Variants in CEP170B observed in about 807,000 individuals in gnomAD.
The protein encoded by CEP170B is centrosomal protein 170B, also known as centrosomal protein of 170 kDa protein B.
Under a neutral mutation model 120.6 loss-of-function variants are expected in CEP170B, and 55 were observed. That is an observed-to-expected ratio of 0.46 (90% CI 0.37 to 0.57). CEP170B has a LOEUF of 0.57. Ranked by LOEUF, CEP170B falls within the 20% of genes least tolerant of loss-of-function variation. CEP170B has a pLI of 0.00. For missense variants in CEP170B, 2,212 were observed against 2,253.3 expected (o/e 0.98, Z 0.37); for synonymous variants, 1,033 against 954.5 (o/e 1.08, Z -1.52).
intron 9 of CEP170B, among the ~76,000 whole-genome samples, chr14:104,885,026 C>A (rs1213402865): frequency 4.0e-5 from 3 of 75,362 alleles, no homozygotes; most frequent in African/African-American, 1.0e-4. Context: ...CCGGGGGTGG[C>A]GAGTGAGAGT....
In CEP170B at chr14:104,891,367, T is replaced by C. The variant is rs1896849215; in HGVS notation, c.3878+1609T>C. On this transcript the variant is annotated intron_variant, in intron 13 of 18. Transcript: ENST00000414716. This position sits in a 1 kb window ranked among gnomAD's most constrained non-coding sequence, Gnocchi z 4.3. ...TCCCAGGACCAGGGTGGATGGCAAGTGTTTGTTGTGGAGGATGCTGAGCTT... is the reference window on the plus strand; with the variant it reads ...TCCCAGGACCAGGGTGGATGGCAAGCGTTTGTTGTGGAGGATGCTGAGCTT... Among the ~76,000 whole-genome samples the C allele has an allele frequency of 6.6e-6, 1 of 151,098 alleles. No individual in the cohort carries two copies. The highest frequency in any genetic ancestry group is 2.4e-5 in the African/African-American group (1 of 41,012).
In CEP170B at chr14:104,887,748, T is replaced by C. The variant is rs759764080; in HGVS notation, c.3509T>C (p.Leu1170Pro). ...QAKKLSRLDI[L>P]AMPRKRAGSF... ...AAGAAGCTGTCACGCCTGGACATCC[T>C]GGCCATGCCCCGGAAGCGGGCCGGC... Residue 1170 changes from leucine to proline, a missense_variant, in exon 12 of 19, where the codon CTG (leucine) becomes CCG (proline). Leu to Pro is a moderately conservative substitution (Grantham distance 98). This residue lies in a region of CEP170B where 2,166 missense variants were observed against 2,166.7 expected (regional missense o/e 1.00). Transcript: ENST00000414716. 5 of 1,581,310 alleles carry C rather than the reference T, an allele frequency of 3.2e-6. No individual in the cohort carries two copies. Among genetic ancestry groups the C allele is most frequent in the East Asian group, 2.3e-5 (1 of 43,632 alleles).
chr14:104,893,503 G>A lies in CEP170B; in HGVS notation c.4039-20G>A, dbSNP rs368956802. 4 of 1,595,642 alleles carry A rather than the reference G, an allele frequency of 2.5e-6. No homozygotes were observed. The African/African-American group carries it at 4.0e-5, about 16-fold the overall frequency. On this transcript the variant is annotated intron_variant, in intron 14 of 18. Transcript: ENST00000414716. ...GGAGCCTCTGCCTGGGGCCCACGGT[G>A]CCGGCCCTCCCTCTTGCAGCTGGTG...
In CEP170B at chr14:104,883,925, G is replaced by C; in HGVS notation, c.1146G>C (p.Glu382Asp). 1 of 1,599,056 alleles carries C rather than the reference G, an allele frequency of 6.3e-7. No homozygotes were observed. The highest frequency in any genetic ancestry group is 8.5e-7 in the Non-Finnish European group (1 of 1,173,352). Residue 382 changes from glutamate to aspartate, a missense_variant, in exon 9 of 19, where the codon GAG (glutamate) becomes GAC (aspartate). Transcript: ENST00000414716. ...GGGTGCCCTTGGAGGCCAGCGGGGA[G>C]CAGGTGCGGCTGCAGAGGCAGATCA... is the stretch of plus-strand genomic sequence containing the variant. ...AAGVPLEASG[E>D]QVRLQRQIKR...
chr14:104,893,934 G>A, intron 16 of CEP170B, 85 bp downstream of exon 16: 1 of 1,298,184 alleles, frequency 7.7e-7, no homozygotes, highest in Admixed American at 1.9e-5. Context: ...AATCCCTCAA[G>A]GGCAGCGGTT....
intron 14 of CEP170B, 59 bp downstream of exon 14, chr14:104,893,194 C>T: frequency 6.5e-7 from 1 of 1,532,560 alleles, no homozygotes; most frequent in Non-Finnish European, 8.8e-7. Context: ...AGGGTCAGGC[C>T]AGGTCCCCAC....
At chr14:104,875,016 G>C (rs1312803029) in intron 2 of CEP170B, among the ~76,000 whole-genome samples, 2 of 152,226 alleles carry the variant, frequency 1.3e-5, no homozygotes, top group African/African-American at 4.8e-5. Flanking sequence ...TGCCCTGAGG[G>C]TTTCTAGCCC....
At chr14:104,879,578 G>T (rs1452025550) in intron 5 of CEP170B, among the ~76,000 whole-genome samples, 1 of 152,148 alleles carries the variant, frequency 6.6e-6, no homozygotes, top group South Asian at 2.1e-4. Flanking sequence ...CGCCCTGGCC[G>T]GGTGCCCTCT....
In CEP170B at chr14:104,885,536, G is replaced by A; in HGVS notation, c.1938G>A (p.Glu646=). The A allele has an allele frequency of 1.3e-6, 2 of 1,562,186 alleles. No homozygotes were observed. Among genetic ancestry groups the A allele is most frequent in the Non-Finnish European group, 1.7e-6 (2 of 1,158,552 alleles). The change falls in exon 10 of 19, where the codon GAG becomes GAA. Residue 646 remains glutamate, a synonymous_variant. Transcript: ENST00000414716. ...CACTGGGTGCGGCCCCCCAGGCGGAGCACCAGGTACAGGCACAGACGGCCA... is the reference window on the plus strand; with the variant it reads ...CACTGGGTGCGGCCCCCCAGGCGGAACACCAGGTACAGGCACAGACGGCCA... ...SRPLGAAPQA[E]HQGLPVPGSP...
At chr14:104,869,344 G>A (rs1290826977) in intron 2 of CEP170B, among the ~76,000 whole-genome samples, 3 of 152,202 alleles carry the variant, frequency 2.0e-5, no homozygotes, top group African/African-American at 7.2e-5. Flanking sequence ...CGAGGGGCCT[G>A]CAGGTGCAGG....
chr14:104,867,425 C>T lies in CEP170B; in HGVS notation c.-27-999C>T, dbSNP rs1229730628. Among the ~76,000 whole-genome samples the T allele has an allele frequency of 1.3e-5, 2 of 152,196 alleles. No individual in the cohort carries two copies. The highest frequency in any genetic ancestry group is 2.4e-5 in the African/African-American group (1 of 41,448). On this transcript the variant is annotated intron_variant, in intron 1 of 18. Transcript: ENST00000414716. This position sits in a 1 kb window ranked among gnomAD's most constrained non-coding sequence, Gnocchi z 5.4. ...AAGCCGTTTCTGTTCTCTGTGCCTG[C>T]CCCCTGCTGAAGGGAGCCCCAGGAT...
chr14:104,871,915 A>G (rs532477801), intron 2 of CEP170B, among the ~76,000 whole-genome samples: 2 of 152,196 alleles, frequency 1.3e-5, no homozygotes, highest in Non-Finnish European at 2.9e-5. Flanking sequence ...CAGAGCTGCC[A>G]CCCACGTGCT....
Position 104,884,156 on chromosome 14 carries a change from G to A in CEP170B, c.1377G>A (p.Ser459=), listed in dbSNP as rs745952726. 9.3e-5 allele frequency: 145 copies of A among 1,553,452 alleles called. No homozygotes were observed. The highest frequency in any genetic ancestry group is 1.2e-4 in the Non-Finnish European group (139 of 1,150,506). The change falls in exon 9 of 19, where the codon TCG becomes TCA. Residue 459 remains serine (S), a synonymous_variant. Coordinates refer to ENST00000414716, the MANE Select transcript of CEP170B (RefSeq NM_001112726.3). Reference sequence around the variant, plus strand: ...CAGTCCAGGCAGGGGGCCGCAGCTCGGGGCCACAGAGGGCCGGCTCGCTCA... The same window carrying A: ...CAGTCCAGGCAGGGGGCCGCAGCTCAGGGCCACAGAGGGCCGGCTCGCTCA... ...PAPVQAGGRS[S]GPQRAGSLKR...
Position 104,896,292 on chromosome 14 carries a change from A to AC in CEP170B, c.*1334_*1335insC, listed in dbSNP as rs1897070852. 3 of 125,328 alleles carry AC rather than the reference A, an allele frequency of 2.4e-5. 1 individual carries two copies. The highest frequency in any genetic ancestry group is 1.5e-4 in the Admixed American group (1 of 6,736). 7.8% of individuals were successfully genotyped at this position (125,328 alleles called of 1,614,324 possible). A position where few individuals can be genotyped will look rare whatever the true frequency, so the allele number is the denominator to read the frequency against. The stretch of plus-strand genomic sequence containing the variant: ...TGGGTGTACGGGTTCTGTTCCTCTG[A>AC]GCCTGCGGCCCACCTGATGTTTACG... On this transcript the variant is annotated 3_prime_UTR_variant, in exon 19 of 19. Coordinates refer to ENST00000414716, the MANE Select transcript of CEP170B (RefSeq NM_001112726.3).
Position 104,887,839 on chromosome 14 carries a change from G to A in CEP170B, c.3600G>A (p.Val1200=), listed in dbSNP as rs1016856532. ...GCACCAGCTTCTCTGGCCGCAGTGT[G>A]GAGTTGTGCTGTGCCAGCCGCAAGC... ...PARTSFSGRS[V]ELCCASRKPT... Residue 1200 remains valine (V), a synonymous_variant, in exon 12 of 19, where the codon GTG becomes GTA. Transcript: ENST00000414716. 2 of 1,583,634 alleles carry A rather than the reference G, an allele frequency of 1.3e-6. No homozygotes were observed. The highest frequency in any genetic ancestry group is 2.3e-5 in the East Asian group (1 of 43,544).
chr14:104,869,840 G>A (rs941661699), intron 2 of CEP170B, among the ~76,000 whole-genome samples: 13 of 152,094 alleles, frequency 8.5e-5, no homozygotes, highest in Non-Finnish European at 1.5e-4. Context: ...CTCCAGAACC[G>A]TGAGCAATAC....
In CEP170B at chr14:104,889,638, C is replaced by T. The variant is rs767458899; in HGVS notation, c.3758C>T (p.Ala1253Val). The T allele has an allele frequency of 1.2e-6, 2 of 1,611,710 alleles. No homozygotes were observed. The highest frequency in any genetic ancestry group is 2.7e-5 in the African/African-American group (2 of 74,918). The stretch of plus-strand genomic sequence containing the variant: ...TCAACAGCCACTCAGACCCCGAGGG[C>T]TGGCAGCTCCAGCCGGGCTCGTTCC... Reference protein sequence around the residue: ...RYTSTTQTPRAGSSSRARSRA... With the variant: ...RYTSTTQTPRVGSSSRARSRA... The change falls in exon 13 of 19, where the codon GCT becomes GTT. Residue 1253 changes from alanine to valine, a missense_variant. Around this residue, in one of 2 missense-constraint regions of CEP170B, gnomAD observed 2,166 missense variants for 2,166.7 expected, o/e 1.00. Coordinates refer to ENST00000414716, the MANE Select transcript of CEP170B (RefSeq NM_001112726.3).
chr14:104,877,260 C>T (rs996298655), intron 3 of CEP170B, among the ~76,000 whole-genome samples: 5 of 152,174 alleles, frequency 3.3e-5, no homozygotes, highest in Admixed American at 6.5e-5. Flanking sequence ...GTGTGGACTG[C>T]GTCACCCACA....
At position 104,895,247 on chromosome 14, in the gene CEP170B, C is replaced by T; in HGVS notation, c.*289C>T. Reference sequence around the variant, plus strand: ...CAAGGTCAAGCCCTCAAGGGCATTACCCCGCCTCCTCTTCATCACTGTTAT... The same window carrying T: ...CAAGGTCAAGCCCTCAAGGGCATTATCCCGCCTCCTCTTCATCACTGTTAT... On this transcript the variant is annotated 3_prime_UTR_variant, in exon 19 of 19. Coordinates refer to ENST00000414716, the MANE Select transcript of CEP170B (RefSeq NM_001112726.3). 2 of 419,134 alleles carry T rather than the reference C, an allele frequency of 4.8e-6. No homozygotes were observed. Among genetic ancestry groups the T allele is most frequent in the Non-Finnish European group, 8.4e-6 (2 of 237,594 alleles). 26.0% of individuals were successfully genotyped at this position (419,134 alleles called of 1,614,324 possible). A position where few individuals can be genotyped will look rare whatever the true frequency, so the allele number is the denominator to read the frequency against.
Sources: gnomAD v4.1 joint callset for allele counts (sites outside exome capture counted in the v4.1 genomes callset) on GRCh38, gnomAD v4.1.1 for gene constraint, gnomAD v4.1.1 regional missense constraint, Gnocchi (gnomAD v3.1) non-coding constraint, MANE v1.5 for transcripts, NCBI Gene and HGNC (gene_info 2026-07-23, HGNC 2026-07-21) for gene names.